Variants in HBP1 observed in about 807,000 individuals in gnomAD.
HBP1 encodes the protein HMG-box transcription factor 1.
HBP1 carries 20 observed loss-of-function variants against 62.6 expected under a neutral mutation model. That is an observed-to-expected ratio of 0.32 (90% CI 0.22 to 0.46). The LOEUF (loss-of-function observed/expected upper bound fraction) is 0.46, where lower values mean the gene tolerates loss of function less well. Ranked by LOEUF, HBP1 falls within the 20% of genes least tolerant of loss-of-function variation. The probability of loss-of-function intolerance (pLI) is 1.00; values close to 1 mark genes in which losing one functional copy is unlikely to be tolerated. For missense variants in HBP1, 480 were observed against 611.8 expected, an observed-to-expected ratio of 0.78 and a Z score of 2.27; for synonymous variants, 232 against 206.2, an observed-to-expected ratio of 1.12 and a Z score of -1.07.
intron 6 of HBP1, among the ~76,000 whole-genome samples, chr7:107,188,150 A>T (rs1334100798): frequency 6.6e-6 from 1 of 152,154 alleles, no homozygotes; most frequent in African/African-American, 2.4e-5. Context: ...AAGATTTTGT[A>T]ATTTCGTTAT....
intron 1 of HBP1, among the ~76,000 whole-genome samples, chr7:107,177,044 T>C (rs913162495): frequency 1.3e-5 from 2 of 152,240 alleles, no homozygotes; most frequent in East Asian, 3.8e-4. Flanking sequence ...CTGTTAATTA[T>C]GTATTTTCAG....
chr7:107,186,682 GTTGATTTAAAATTC>G lies in HBP1; in HGVS notation c.765+4_765+17del. The G allele has an allele frequency of 6.4e-7, 1 of 1,557,982 alleles. No homozygotes were observed. Among genetic ancestry groups the G allele is most frequent in the Non-Finnish European group, 8.8e-7 (1 of 1,140,626 alleles). On this transcript the variant is annotated splice_donor_variant and splice_donor_5th_base_variant and intron_variant, in intron 6 of 10. Coordinates refer to ENST00000222574, the MANE Select transcript of HBP1 (RefSeq NM_012257.4). LOFTEE classifies it high-confidence loss of function. Reference sequence around the variant, plus strand: ...AGATCTTCAAATGGGCATTCACAAGGTTGATTTAAAATTCTTAAAAAATTTTTCAAAATCTTTCC... The same window carrying G: ...AGATCTTCAAATGGGCATTCACAAGGTTAAAAAATTTTTCAAAATCTTTCC...
At chr7:107,171,088 T>TTTTTTTTTTG in intron 1 of HBP1, among the ~76,000 whole-genome samples, 1 of 134,210 alleles carries the variant, frequency 7.5e-6, no homozygotes, top group African/African-American at 2.8e-5. Context: ...TTTTTTTTTT[T>TTTTTTTTTTG]GAGAGGGAGT....
At chr7:107,192,655 G>T (rs1324797517) in intron 8 of HBP1, 1 of 151,830 alleles carries the variant, frequency 6.6e-6, no homozygotes, top group Non-Finnish European at 1.5e-5. Context: ...TAAAGTAAAA[G>T]GGAAAACTTG....
intron 1 of HBP1, among the ~76,000 whole-genome samples, chr7:107,170,929 G>GTATATA (rs1562881555): frequency 3.5e-5 from 5 of 142,680 alleles, no homozygotes; most frequent in African/African-American, 1.1e-4. Context: ...ATATGTATAT[G>GTATATA]TATAAAATAT....
chr7:107,178,432 A>C, intron 1 of HBP1, among the ~76,000 whole-genome samples: 1 of 152,234 alleles, frequency 6.6e-6, no homozygotes, highest in Non-Finnish European at 1.5e-5. Flanking sequence ...AATAAAAGAG[A>C]CAACCACATT....
rs1584465447 is a variant in HBP1, at chr7:107,169,046, G to A, written c.-155G>A. 1 of 1,288,982 alleles carries A rather than the reference G, an allele frequency of 7.8e-7. No homozygotes were observed. Among genetic ancestry groups the A allele is most frequent in the Non-Finnish European group, 1.0e-6 (1 of 988,486 alleles). The allele number at this position is 1,288,982 out of a possible 1,614,324, so 79.8% of individuals were successfully genotyped here. A position where few individuals can be genotyped will look rare whatever the true frequency, so the allele number is the denominator to read the frequency against. On this transcript the variant is annotated 5_prime_UTR_variant, in exon 1 of 11. Coordinates refer to ENST00000222574, the MANE Select transcript of HBP1 (RefSeq NM_012257.4). The stretch of plus-strand genomic sequence containing the variant: ...GGGTTTGGTAAGTAGGAAAGTTTCG[G>A]TTGAGGAGTAAGAGCTGCCGCGGGA...
intron 3 of HBP1, among the ~76,000 whole-genome samples, chr7:107,185,166 A>G (rs79497642): frequency 0.02 from 3,012 of 152,290 alleles, 103 homozygotes; most frequent in African/African-American, 0.067. Flanking sequence ...GGCAAGGGAT[A>G]AAGTTTTTTT....
At chr7:107,181,824 G>A (rs2115856215) in intron 2 of HBP1, among the ~76,000 whole-genome samples, 1 of 152,044 alleles carries the variant, frequency 6.6e-6, no homozygotes, top group Admixed American at 6.5e-5. Context: ...ATGAGTGGTA[G>A]CTGGGTAATA....
chr7:107,193,334 A>T (rs1166851111), intron 8 of HBP1: 1 of 152,202 alleles, frequency 6.6e-6, no homozygotes, highest in Non-Finnish European at 1.5e-5. Context: ...GTTAAGGAAC[A>T]TGCCCAAAAC....
intron 9 of HBP1, among the ~76,000 whole-genome samples, chr7:107,199,688 T>TAACA (rs1408545134): frequency 6.6e-6 from 1 of 152,306 alleles, no homozygotes; most frequent in South Asian, 2.1e-4. Flanking sequence ...CATAGCAGAG[T>TAACA]AACAAACAGG....
intron 9 of HBP1, among the ~76,000 whole-genome samples, chr7:107,199,038 G>T (rs1798068051): frequency 6.7e-6 from 1 of 148,246 alleles, no homozygotes; most frequent in South Asian, 2.1e-4. Flanking sequence ...AAGACTAAAA[G>T]TTTTTTTTTT....
chr7:107,186,525 A>C, intron 5 of HBP1, 44 bp from the exon 6 acceptor site: 1 of 1,556,222 alleles, frequency 6.4e-7, no homozygotes, highest in South Asian at 1.1e-5. Context: ...TTACTTGTCT[A>C]GTACAGTCAC....
intron 2 of HBP1, among the ~76,000 whole-genome samples, chr7:107,181,471 C>A (rs898347372): frequency 2.0e-5 from 3 of 148,954 alleles, no homozygotes; most frequent in Non-Finnish European, 4.5e-5. Flanking sequence ...GACCCTATCT[C>A]AAAAAAAAAT....
chr7:107,191,749 G>A (rs1797662296), intron 8 of HBP1, among the ~76,000 whole-genome samples: 1 of 152,102 alleles, frequency 6.6e-6, no homozygotes, highest in South Asian at 2.1e-4. Flanking sequence ...TACAGTATGA[G>A]TCTATTTTAT....
chr7:107,173,018 TTG>T (rs1432142154), intron 1 of HBP1, among the ~76,000 whole-genome samples: 4 of 152,260 alleles, frequency 2.6e-5, no homozygotes, highest in African/African-American at 9.6e-5. Context: ...TGTTGTTGTT[TTG>T]TCTTTTCTTG....
At chr7:107,187,035 G>A (rs573899318) in intron 6 of HBP1, among the ~76,000 whole-genome samples, 5 of 152,194 alleles carry the variant, frequency 3.3e-5, no homozygotes, top group Admixed American at 6.5e-5. Context: ...GGTGGATCAC[G>A]AGGTCAGGAG....
intron 2 of HBP1, among the ~76,000 whole-genome samples, chr7:107,180,263 A>G (rs1291274575): frequency 1.3e-5 from 2 of 152,194 alleles, no homozygotes; most frequent in African/African-American, 4.8e-5. Context: ...TATTGTAGAC[A>G]CTCATTTACA....
At position 107,186,491 on chromosome 7, in the gene HBP1, C is replaced by A; in HGVS notation, c.652+19C>A. 6.3e-7 allele frequency: 1 copy of A among 1,583,224 alleles called. No individual in the cohort carries two copies. Among genetic ancestry groups the A allele is most frequent in the Non-Finnish European group, 8.7e-7 (1 of 1,154,468 alleles). On this transcript the variant is annotated intron_variant, in intron 5 of 10. Transcript: ENST00000222574. ...TTGAAAGGTAAAACAAACAAACAAA[C>A]AAAAACCTTGAATTTTCCACAGCTT...
Sources: gnomAD v4.1 joint callset for allele counts (sites outside exome capture counted in the v4.1 genomes callset) on GRCh38, gnomAD v4.1.1 for gene constraint, MANE v1.5 for transcripts, NCBI Gene and HGNC (gene_info 2026-07-23, HGNC 2026-07-21) for gene names.